Variants in AP1B1 observed in about 807,000 individuals in gnomAD.
AP1B1 encodes the protein AP-1 complex subunit beta-1.
In AP1B1, 36 loss-of-function variants were observed where a neutral mutation model predicts 104.3. The observed-to-expected ratio is 0.35, with a 90% CI of 0.26 to 0.46. AP1B1 has a LOEUF of 0.46. Among genes scored for constraint, AP1B1 ranks in the 20% least tolerant of loss-of-function variants. The pLI is 1.00. For missense variants in AP1B1, 901 were observed against 1,247.9 expected, an observed-to-expected ratio of 0.72 and a Z score of 4.19; for synonymous variants, 504 against 517.5, an observed-to-expected ratio of 0.97 and a Z score of 0.35.
chr22:29,359,962 G>A lies in AP1B1; in HGVS notation c.144-3C>T. The A allele has an allele frequency of 6.2e-7, 1 of 1,611,860 alleles. No individual in the cohort carries two copies. The highest frequency in any genetic ancestry group is 2.2e-5 in the East Asian group (1 of 44,804). ...TGACCACATCGGGGAAGAGGGCACTGGAAGGTCAAAATGGTGTCAGCATGG... is the reference window on the plus strand; with the variant it reads ...TGACCACATCGGGGAAGAGGGCACTAGAAGGTCAAAATGGTGTCAGCATGG... On this transcript the variant is annotated splice_region_variant and splice_polypyrimidine_tract_variant and intron_variant, in intron 3 of 22. Coordinates refer to ENST00000357586, the MANE Select transcript of AP1B1 (RefSeq NM_001127.4).
Position 29,342,403 on chromosome 22 carries a change from C to T in AP1B1, c.1438-20G>A, listed in dbSNP as rs377475763. 1.4e-4 allele frequency: 226 copies of T among 1,606,208 alleles called. No individual in the cohort carries two copies. The highest frequency in any genetic ancestry group is 1.1e-3 in the South Asian group (100 of 90,802). ...CTGGACCTGCAGGGAACAGCGGTGA[C>T]GAGGAGGAAGTGTGGGCCTCACATG... On this transcript the variant is annotated intron_variant, in intron 11 of 22. Coordinates refer to ENST00000357586, the MANE Select transcript of AP1B1 (RefSeq NM_001127.4).
rs2061959934 is a variant in AP1B1, at chr22:29,356,468, C to T, written c.674G>A (p.Cys225Tyr). The T allele has an allele frequency of 6.2e-7, 1 of 1,614,076 alleles. No homozygotes were observed. Among genetic ancestry groups the T allele is most frequent in the Non-Finnish European group, 8.5e-7 (1 of 1,180,020 alleles). The change falls in exon 6 of 23, where the codon TGC becomes TAC. Residue 225 changes from cysteine (C) to tyrosine (Y), a missense_variant. Cys to Tyr is a radical substitution (Grantham distance 194, BLOSUM62 -2). This residue lies in a region of AP1B1 where 471 missense variants were observed against 696.7 expected (regional missense o/e 0.68). Transcript: ENST00000357586. ...GTCCTTGGGCATATAGTTGGCGAGG[C>T]AGTCCAGGATGAAGATCTGGCCCCA... is the stretch of plus-strand genomic sequence containing the variant. ...TEWGQIFILD[C>Y]LANYMPKDDR...
intron 11 of AP1B1, among the ~76,000 whole-genome samples, 186 bp downstream of exon 11, chr22:29,349,032 G>A (rs565791407): frequency 2.0e-5 from 3 of 152,280 alleles, no homozygotes; most frequent in East Asian, 1.9e-4. Flanking sequence ...AGACTCTCAC[G>A]TGTCCCCGAC....
chr22:29,351,336 G>A (rs200654166), intron 8 of AP1B1, 70 bp from the exon 9 acceptor site: 12 of 1,494,394 alleles, frequency 8.0e-6, no homozygotes, highest in African/African-American at 1.4e-5. Flanking sequence ...CTCCTGGGCA[G>A]TGAATATACA....
In AP1B1 at chr22:29,355,192, G is replaced by A. The variant is rs527755221; in HGVS notation, c.717-321C>T. On this transcript the variant is annotated intron_variant, in intron 6 of 22. Coordinates refer to ENST00000357586, the MANE Select transcript of AP1B1 (RefSeq NM_001127.4). ...GTGGAGGTTACAGTGAGCCGAGATC[G>A]CGCCATTGCACTCCAGCCTGGGCAA... Among the ~76,000 whole-genome samples, 270 of 151,846 alleles carry A rather than the reference G, an allele frequency of 1.8e-3. 1 individual carries two copies. The highest frequency in any genetic ancestry group is 7.5e-3 in the South Asian group (36 of 4,806).
intron 1 of AP1B1, among the ~76,000 whole-genome samples, chr22:29,368,772 AATTGAG>A (rs1162079391): frequency 1.3e-5 from 2 of 151,828 alleles, no homozygotes; most frequent in Non-Finnish European, 2.9e-5. Flanking sequence ...AAAAAAAAAA[AATTGAG>A]GCCGGACGCA....
intron 16 of AP1B1, among the ~76,000 whole-genome samples, chr22:29,336,758 C>T (rs908716130): frequency 6.6e-6 from 1 of 150,392 alleles, no homozygotes; most frequent in Non-Finnish European, 1.5e-5. Context: ...GAGCTGAGAT[C>T]GCACCATTGC....
intron 6 of AP1B1, among the ~76,000 whole-genome samples, chr22:29,355,888 AC>A (rs2061949465): frequency 6.6e-6 from 1 of 151,422 alleles, no homozygotes; most frequent in African/African-American, 2.4e-5. Flanking sequence ...CAAGCACAGT[AC>A]TGGCATGTAG....
chr22:29,345,746 G>A (rs1479012302), intron 11 of AP1B1, among the ~76,000 whole-genome samples: 10 of 152,116 alleles, frequency 6.6e-5, no homozygotes, highest in Non-Finnish European at 1.5e-4. Context: ...GTGCAGTTGT[G>A]CGATCTCGGC....
intron 2 of AP1B1, among the ~76,000 whole-genome samples, chr22:29,365,502 A>G (rs551773385): frequency 5.3e-4 from 80 of 152,174 alleles, no homozygotes; most frequent in Admixed American, 4.8e-3. Flanking sequence ...AAAAACAAAC[A>G]AACAACAAAA....
At chr22:29,338,481 A>G (rs1482998073) in intron 16 of AP1B1, among the ~76,000 whole-genome samples, 1 of 152,196 alleles carries the variant, frequency 6.6e-6, no homozygotes, top group Non-Finnish European at 1.5e-5. Context: ...ACATTGATAC[A>G]TACACTTGTA....
At chr22:29,353,641 A>G (rs1428792317) in intron 7 of AP1B1, among the ~76,000 whole-genome samples, 1 of 152,114 alleles carries the variant, frequency 6.6e-6, no homozygotes, top group Non-Finnish European at 1.5e-5. Flanking sequence ...TTCGACCAAT[A>G]TCTCTGGGTC....
At chr22:29,374,127 A>C (rs549077674) in intron 1 of AP1B1, among the ~76,000 whole-genome samples, 1 of 151,078 alleles carries the variant, frequency 6.6e-6, no homozygotes, top group East Asian at 2.0e-4. Context: ...CTTGAACCCC[A>C]GAGGCAGAGG....
intron 20 of AP1B1, 24 bp downstream of exon 20, chr22:29,330,599 G>T (rs920564516): frequency 1.9e-6 from 3 of 1,613,692 alleles, no homozygotes; most frequent in Middle Eastern, 1.7e-4. Flanking sequence ...CGAGGGGCTG[G>T]GGTCGGGGGC....
chr22:29,350,190 C>A, intron 9 of AP1B1, 40 bp from the exon 10 acceptor site: 2 of 1,540,012 alleles, frequency 1.3e-6, no homozygotes. Flanking sequence ...GTCCCCGCAC[C>A]CCATTTCCAG....
chr22:29,341,945 C>T (rs1285225512), intron 12 of AP1B1, among the ~76,000 whole-genome samples, 185 bp from the exon 13 acceptor site: 1 of 152,226 alleles, frequency 6.6e-6, no homozygotes, highest in Middle Eastern at 3.2e-3. Context: ...GCTCATTCCC[C>T]ATGGTACTCT....
chr22:29,357,937 C>T (rs2061985625), intron 5 of AP1B1, among the ~76,000 whole-genome samples: 1 of 152,122 alleles, frequency 6.6e-6, no homozygotes. Flanking sequence ...CCACCCACCT[C>T]AGCCTCCCAA....
intron 1 of AP1B1, among the ~76,000 whole-genome samples, chr22:29,373,634 C>T (rs999864743): frequency 6.6e-6 from 1 of 151,974 alleles, no homozygotes; most frequent in African/African-American, 2.4e-5. Context: ...ATGTGCTGGG[C>T]GCAGAGGCCT....
At chr22:29,366,925 C>G (rs1434611283) in intron 2 of AP1B1, among the ~76,000 whole-genome samples, 1 of 151,568 alleles carries the variant, frequency 6.6e-6, no homozygotes, top group Non-Finnish European at 1.5e-5. Context: ...TTTCTTTCCC[C>G]TGGAAAAAAA....
Sources: gnomAD v4.1 joint callset for allele counts (sites outside exome capture counted in the v4.1 genomes callset) on GRCh38, gnomAD v4.1.1 for gene constraint, gnomAD v4.1.1 regional missense constraint, MANE v1.5 for transcripts, NCBI Gene and HGNC (gene_info 2026-07-23, HGNC 2026-07-21) for gene names.